Variants in OPTC observed in about 807,000 individuals in gnomAD.
OPTC encodes oculoglycan.
In OPTC, 22 loss-of-function variants were observed where a neutral mutation model predicts 25.4. The ratio of observed to expected loss-of-function variants is 0.87; its 90% CI spans 0.62 to 1.24. OPTC has a LOEUF of 1.24. Ranked by LOEUF, OPTC falls within the 50% of genes most tolerant of loss-of-function variation. The probability of loss-of-function intolerance (pLI) is 0.00; values close to 1 mark genes in which losing one functional copy is unlikely to be tolerated. For missense variants in OPTC, 417 were observed against 425.2 expected (o/e 0.98, Z 0.17); for synonymous variants, 169 against 179.3 (o/e 0.94, Z 0.46).
At chr1:203,507,041 C>A (rs1295201883) in intron 7 of OPTC, among the ~76,000 whole-genome samples, 1 of 152,218 alleles carries the variant, frequency 6.6e-6, no homozygotes, top group African/African-American at 2.4e-5. Flanking sequence ...TTGTCTGTCT[C>A]CCTGAAGAAA....
chr1:203,498,599 G>A (rs1661315827), intron 3 of OPTC, 82 bp from the exon 4 acceptor site: 5 of 1,563,728 alleles, frequency 3.2e-6, no homozygotes, highest in Non-Finnish European at 2.6e-6. Context: ...GATGGCCATG[G>A]TTCAGACACT....
At chr1:203,499,015 A>C (rs917212130) in intron 4 of OPTC, among the ~76,000 whole-genome samples, 176 bp downstream of exon 4, 9 of 152,190 alleles carry the variant, frequency 5.9e-5, no homozygotes, top group Non-Finnish European at 8.8e-5. Context: ...CCTTCCTTGA[A>C]GTATTTAGAT....
intron 4 of OPTC, 59 bp downstream of exon 4, chr1:203,498,898 T>G: frequency 6.3e-7 from 1 of 1,586,842 alleles, no homozygotes; most frequent in Non-Finnish European, 8.6e-7. Flanking sequence ...ACCCTGCCAC[T>G]AGGACAGTCA....
chr1:203,497,005 C>G lies in OPTC; in HGVS notation c.260C>G (p.Thr87Ser). The change falls in exon 3 of 8, where the codon ACC (threonine) becomes AGC (serine). Residue 87 changes from threonine (T) to serine (S), a missense_variant. Coordinates refer to ENST00000367222, the MANE Select transcript of OPTC (RefSeq NM_014359.4). ...EVKVTSLAPA[T>S]SISPAKSTTA... ...AAGGTGACTAGCCTCGCTCCTGCAACCAGCATCAGTCCCGCCAAGAGCACT... is the reference window on the plus strand; with the variant it reads ...AAGGTGACTAGCCTCGCTCCTGCAAGCAGCATCAGTCCCGCCAAGAGCACT... 6.2e-7 allele frequency: 1 copy of G among 1,614,108 alleles called. No individual in the cohort carries two copies. Among genetic ancestry groups the G allele is most frequent in the South Asian group, 1.1e-5 (1 of 91,076 alleles).
rs968663995 is a variant in OPTC at position 203,499,075 on chromosome 1, G to T, written c.529+236G>T. On this transcript the variant is annotated intron_variant, in intron 4 of 7. Coordinates refer to ENST00000367222, the MANE Select transcript of OPTC (RefSeq NM_014359.4). ...GTTCTCCAAAAACGTCTGGGAAGCTGGGAGGGGAAGGTATGATCTGCCAGC... is the reference window on the plus strand; with the variant it reads ...GTTCTCCAAAAACGTCTGGGAAGCTTGGAGGGGAAGGTATGATCTGCCAGC... Among the ~76,000 whole-genome samples, 4 of 152,192 alleles carry T rather than the reference G, an allele frequency of 2.6e-5. No individual in the cohort carries two copies. In the East Asian group the frequency reaches 7.7e-4, roughly 29 times the overall value.
intron 1 of OPTC, among the ~76,000 whole-genome samples, chr1:203,495,301 C>CTAAGA (rs952988407): frequency 1.3e-5 from 2 of 152,156 alleles, no homozygotes; most frequent in Non-Finnish European, 2.9e-5. Context: ...GGTGGATCAC[C>CTAAGA]TAAGGTCAGG....
intron 5 of OPTC, among the ~76,000 whole-genome samples, chr1:203,500,139 C>T (rs1390652879): frequency 1.0e-5 from 1 of 98,738 alleles, no homozygotes; most frequent in Non-Finnish European, 2.2e-5. Context: ...ACCTCCACCA[C>T]CACCACCCAC....
At chr1:203,498,588 A>G (rs1661315651) in intron 3 of OPTC, 93 bp from the exon 4 acceptor site, 54 of 1,501,628 alleles carry the variant, frequency 3.6e-5, no homozygotes, top group Non-Finnish European at 4.9e-5. Flanking sequence ...AAAAAGGCAC[A>G]GATGGCCATG....
intron 2 of OPTC, 115 bp from the exon 3 acceptor site, chr1:203,496,862 C>A: frequency 9.1e-7 from 1 of 1,095,694 alleles, no homozygotes; most frequent in African/African-American, 1.5e-5. Context: ...CCCTCCTCCT[C>A]CTCCACAGTG....
chr1:203,499,425 C>T (rs1189520085), intron 4 of OPTC, among the ~76,000 whole-genome samples: 1 of 152,068 alleles, frequency 6.6e-6, no homozygotes, highest in Non-Finnish European at 1.5e-5. Context: ...ACGGCCACTG[C>T]ACAGGACAAA....
chr1:203,508,087 A>T (rs889966200), intron 7 of OPTC, among the ~76,000 whole-genome samples: 4 of 152,238 alleles, frequency 2.6e-5, no homozygotes, highest in African/African-American at 9.6e-5. Flanking sequence ...TTTGTCCCAG[A>T]GAAAGATGAC....
chr1:203,495,480 C>T (rs1661262340), intron 1 of OPTC, among the ~76,000 whole-genome samples: 2 of 152,208 alleles, frequency 1.3e-5, no homozygotes, highest in Non-Finnish European at 2.9e-5. Flanking sequence ...CGCACCACTG[C>T]ACTCCAGCCC....
In OPTC at chr1:203,496,063, G is replaced by C; in HGVS notation, c.58G>C (p.Ala20Pro). The C allele has an allele frequency of 6.2e-7, 1 of 1,614,114 alleles. No individual in the cohort carries two copies. Among genetic ancestry groups the C allele is most frequent in the Non-Finnish European group, 8.5e-7 (1 of 1,179,998 alleles). Residue 20 changes from alanine (A) to proline (P), a missense_variant, in exon 2 of 8, where the codon GCT (alanine) becomes CCT (proline). Transcript: ENST00000367222. ...LALVLQETGT[A>P]SLPRKERKRR... is the part of the protein sequence containing the mutation. ...CTTGGTGCTGCAGGAGACAGGGACA[G>C]CTTCTCTCCCAAGGAAGGAGAGGAA...
rs761669358 is a variant in OPTC, at chr1:203,497,164, C to T, written c.370+49C>T. 5 of 1,606,356 alleles carry T rather than the reference C, an allele frequency of 3.1e-6. No individual in the cohort carries two copies. The South Asian group carries it at 4.4e-5, about 14-fold the overall frequency. ...CAATATCCCTAGGTCATAGGCCAAG[C>T]AGCTATGACCCAGCACCAGGGGGTA... On this transcript the variant is annotated intron_variant, in intron 3 of 7. Transcript: ENST00000367222.
intron 5 of OPTC, among the ~76,000 whole-genome samples, chr1:203,500,457 A>T (rs1246444676): frequency 2.5e-5 from 3 of 120,308 alleles, no homozygotes; most frequent in Non-Finnish European, 5.4e-5. Context: ...TACCACCCAT[A>T]TCCACCACCA....
At chr1:203,495,032 T>C (rs1661255482) in intron 1 of OPTC, among the ~76,000 whole-genome samples, 1 of 152,228 alleles carries the variant, frequency 6.6e-6, no homozygotes, top group South Asian at 2.1e-4. Flanking sequence ...GAAGTATATT[T>C]CATAAACTAA....
chr1:203,499,824 C>A lies in OPTC; in HGVS notation c.705C>A (p.Ser235Arg). Residue 235 changes from serine to arginine, a missense_variant, in exon 5 of 8, where the codon AGC (serine) becomes AGA (arginine). Physicochemically the swap from Ser to Arg is moderately radical, Grantham distance 110. Coordinates refer to ENST00000367222, the MANE Select transcript of OPTC (RefSeq NM_014359.4). The stretch of plus-strand genomic sequence containing the variant: ...ATGTCCGCCTAAATCGGCTCCAGAG[C>A]TCGGGGATACAGCCTGCAGCCTTCA... Reference protein sequence around the residue: ...FLDVRLNRLQSSGIQPAAFRA... With the variant: ...FLDVRLNRLQRSGIQPAAFRA... The A allele has an allele frequency of 6.2e-7, 1 of 1,612,394 alleles. No homozygotes were observed. The highest frequency in any genetic ancestry group is 1.1e-5 in the South Asian group (1 of 91,074).
At position 203,498,668 on chromosome 1, in the gene OPTC, C is replaced by T. The variant is rs758726912; in HGVS notation, c.371-13C>T. On this transcript the variant is annotated splice_polypyrimidine_tract_variant and intron_variant, in intron 3 of 7. Transcript: ENST00000367222. ...AAGAGATCTCCCTTTGTTCTGTCTTCCACCTGGGCCAGGTCTGCCCACCTG... is the reference window on the plus strand; with the variant it reads ...AAGAGATCTCCCTTTGTTCTGTCTTTCACCTGGGCCAGGTCTGCCCACCTG... 44 of 1,614,058 alleles carry T rather than the reference C, an allele frequency of 2.7e-5. 1 individual carries two copies. The South Asian group carries it at 4.5e-4, about 17-fold the overall frequency.
chr1:203,498,886 C>A (rs760983359), intron 4 of OPTC, 47 bp downstream of exon 4: 1 of 1,600,546 alleles, frequency 6.2e-7, no homozygotes, highest in Non-Finnish European at 8.5e-7. Context: ...GCATATGCAG[C>A]CACCCTGCCA....
Sources: gnomAD v4.1 joint callset for allele counts (sites outside exome capture counted in the v4.1 genomes callset) on GRCh38, gnomAD v4.1.1 for gene constraint, MANE v1.5 for transcripts, NCBI Gene and HGNC (gene_info 2026-07-23, HGNC 2026-07-21) for gene names.